HS6ST3: variants seen among roughly 807,000 people sequenced by gnomAD.
HS6ST3 encodes the protein heparan-sulfate 6-O-sulfotransferase 3.
Under a neutral mutation model 36.7 loss-of-function variants are expected in HS6ST3, and 12 were observed. The observed-to-expected ratio is 0.33, with a 90% confidence interval of 0.21 to 0.53. The LOEUF is 0.53. Among genes scored for constraint, HS6ST3 ranks in the 20% least tolerant of loss-of-function variants. The probability of loss-of-function intolerance (pLI) is 0.95; values close to 1 mark genes in which losing one functional copy is unlikely to be tolerated. For missense variants in HS6ST3, 584 were observed against 640.9 expected (o/e 0.91, Z 0.96); for synonymous variants, 240 against 257.5 (o/e 0.93, Z 0.65).
intron 1 of HS6ST3, among the ~76,000 whole-genome samples, chr13:96,384,941 A>T (rs2055360064): frequency 6.6e-6 from 1 of 152,162 alleles, no homozygotes; most frequent in Non-Finnish European, 1.5e-5. Context: ...GCACTTTGGG[A>T]GGCAGAGGCA....
chr13:96,832,216 G>A (rs954076128), intron 1 of HS6ST3, among the ~76,000 whole-genome samples: 7 of 152,068 alleles, frequency 4.6e-5, no homozygotes, highest in South Asian at 4.1e-4. Context: ...ATTGCTGAAC[G>A]AATGAATGAA....
At chr13:96,750,665 T>C (rs1038185933) in intron 1 of HS6ST3, among the ~76,000 whole-genome samples, 2 of 152,204 alleles carry the variant, frequency 1.3e-5, no homozygotes, top group Admixed American at 6.5e-5. Context: ...GTCTGACCCC[T>C]ATGCCTTCTG....
intron 1 of HS6ST3, among the ~76,000 whole-genome samples, chr13:96,599,347 T>C (rs1234564711): frequency 6.6e-6 from 1 of 152,088 alleles, no homozygotes; most frequent in East Asian, 1.9e-4. Context: ...AAATTTCTAT[T>C]TCTTCCTGAT....
intron 1 of HS6ST3, among the ~76,000 whole-genome samples, chr13:96,348,612 C>G (rs1012878228): frequency 1.3e-5 from 2 of 152,130 alleles, no homozygotes; most frequent in Non-Finnish European, 2.9e-5. Flanking sequence ...TAAAGGTGCC[C>G]TCACAGAGGT....
At chr13:96,437,364 T>C (rs915323234) in intron 1 of HS6ST3, among the ~76,000 whole-genome samples, 2 of 152,254 alleles carry the variant, frequency 1.3e-5, no homozygotes, top group Admixed American at 6.5e-5. Flanking sequence ...CTACTTTGTT[T>C]CATTATTCAG....
intron 1 of HS6ST3, among the ~76,000 whole-genome samples, chr13:96,207,921 A>G (rs1412385030): frequency 1.3e-5 from 2 of 152,166 alleles, no homozygotes; most frequent in African/African-American, 4.8e-5. Context: ...TATGTAGCAA[A>G]CCACCATGGC....
intron 1 of HS6ST3, among the ~76,000 whole-genome samples, chr13:96,619,477 A>C (rs753863623): frequency 6.6e-6 from 1 of 152,190 alleles, no homozygotes; most frequent in Non-Finnish European, 1.5e-5. Context: ...TGGTTAGGGA[A>C]ATTACTATCA....
At chr13:96,196,689 T>C (rs1188054037) in intron 1 of HS6ST3, among the ~76,000 whole-genome samples, 1 of 152,194 alleles carries the variant, frequency 6.6e-6, no homozygotes, top group Non-Finnish European at 1.5e-5. Context: ...AGCATGCTGA[T>C]GTCACTGGAG....
intron 1 of HS6ST3, among the ~76,000 whole-genome samples, chr13:96,558,205 G>A (rs1395833889): frequency 6.6e-6 from 1 of 151,724 alleles, no homozygotes; most frequent in Non-Finnish European, 1.5e-5. Context: ...CCCATTCTTT[G>A]GGGAAAAAAA....
At chr13:96,778,374 A>G (rs1877444002) in intron 1 of HS6ST3, among the ~76,000 whole-genome samples, 1 of 152,240 alleles carries the variant, frequency 6.6e-6, no homozygotes, top group Non-Finnish European at 1.5e-5. Context: ...AACTATCATC[A>G]GAGTGAACAG....
At chr13:96,287,784 C>A (rs2054810635) in intron 1 of HS6ST3, among the ~76,000 whole-genome samples, 1 of 151,886 alleles carries the variant, frequency 6.6e-6, no homozygotes. Context: ...TCTTTTTATT[C>A]TTTAATTCTT....
intron 1 of HS6ST3, among the ~76,000 whole-genome samples, chr13:96,351,550 G>T (rs2055184513): frequency 6.6e-6 from 1 of 152,084 alleles, no homozygotes; most frequent in Admixed American, 6.6e-5. Context: ...GGGGTCAAGT[G>T]ATCTGCCGAC....
At chr13:96,595,562 A>C (rs889308559) in intron 1 of HS6ST3, among the ~76,000 whole-genome samples, 3 of 151,612 alleles carry the variant, frequency 2.0e-5, no homozygotes, top group Non-Finnish European at 4.4e-5. Flanking sequence ...CTTCAGCCTG[A>C]ATATTTACAT....
chr13:96,224,357 GT>G, intron 1 of HS6ST3, among the ~76,000 whole-genome samples: 1 of 151,966 alleles, frequency 6.6e-6, no homozygotes, highest in Non-Finnish European at 1.5e-5. Flanking sequence ...GTGTCTCTCC[GT>G]CTGCTAGGCT....
intron 1 of HS6ST3, among the ~76,000 whole-genome samples, chr13:96,771,578 A>G (rs909594984): frequency 6.6e-6 from 1 of 152,192 alleles, no homozygotes; most frequent in Non-Finnish European, 1.5e-5. Flanking sequence ...CCAGCTCAGA[A>G]TGGAGAAAGC....
At chr13:96,593,019 A>G (rs1216579687) in intron 1 of HS6ST3, among the ~76,000 whole-genome samples, 1 of 151,840 alleles carries the variant, frequency 6.6e-6, no homozygotes, top group East Asian at 1.9e-4. Flanking sequence ...CTTTAAGTAA[A>G]CTTTTTACCC....
chr13:96,573,364 A>G (rs1335422759), intron 1 of HS6ST3, among the ~76,000 whole-genome samples: 1 of 152,066 alleles, frequency 6.6e-6, no homozygotes, highest in Non-Finnish European at 1.5e-5. Context: ...TTTTGGGCCT[A>G]TGGGCCTGCT....
intron 1 of HS6ST3, among the ~76,000 whole-genome samples, chr13:96,507,910 A>T (rs1369090581): frequency 6.6e-6 from 1 of 152,120 alleles, no homozygotes; most frequent in African/African-American, 2.4e-5. Flanking sequence ...AACCTAACAC[A>T]ACTGAAATTC....
chr13:96,280,699 G>A (rs2054771463), intron 1 of HS6ST3, among the ~76,000 whole-genome samples: 1 of 152,146 alleles, frequency 6.6e-6, no homozygotes, highest in South Asian at 2.1e-4. Flanking sequence ...CTAGAAGATA[G>A]GTCTAGTGTA....
Sources: gnomAD v4.1 joint callset for allele counts (sites outside exome capture counted in the v4.1 genomes callset) on GRCh38, gnomAD v4.1.1 for gene constraint, MANE v1.5 for transcripts, NCBI Gene and HGNC (gene_info 2026-07-23, HGNC 2026-07-21) for gene names.